GRB14: variants seen among roughly 807,000 people sequenced by gnomAD.
The protein encoded by GRB14 is growth factor receptor-bound protein 14.
Under a neutral mutation model 69.1 loss-of-function variants are expected in GRB14, and 38 were observed. That is an observed-to-expected ratio of 0.55 (90% CI 0.42 to 0.72). The LOEUF is 0.72. Among genes scored for constraint, GRB14 ranks in the 30% least tolerant of loss-of-function variants. The pLI, the probability that GRB14 is intolerant of heterozygous loss-of-function variation, is 0.00. For synonymous variants in GRB14, 247 were observed against 241.3 expected (o/e 1.02, Z -0.22); for missense variants, 666 against 666.1 (o/e 1.00, Z 0.00).
At chr2:164,546,467 A>AT (rs1419052274) in intron 3 of GRB14, among the ~76,000 whole-genome samples, 3 of 152,094 alleles carry the variant, frequency 2.0e-5, no homozygotes. Context: ...TAGCACTGAG[A>AT]TTTTCCCCAG....
At chr2:164,558,063 G>A (rs548261275) in intron 2 of GRB14, among the ~76,000 whole-genome samples, 5 of 152,198 alleles carry the variant, frequency 3.3e-5, no homozygotes, top group South Asian at 2.1e-4. Context: ...GCAGCATGCC[G>A]CATCTAGGGT....
chr2:164,540,849 C>T (rs1003305458), intron 3 of GRB14, among the ~76,000 whole-genome samples: 14 of 152,206 alleles, frequency 9.2e-5, no homozygotes, highest in African/African-American at 3.4e-4. Flanking sequence ...ACAAAATTGT[C>T]AATAAATATT....
At chr2:164,555,081 T>A (rs533431241) in intron 2 of GRB14, among the ~76,000 whole-genome samples, 2 of 152,348 alleles carry the variant, frequency 1.3e-5, no homozygotes, top group South Asian at 4.1e-4. Context: ...TTTCTCTGCA[T>A]CACCTGAAAT....
chr2:164,547,513 GAAAA>G, intron 3 of GRB14, 143 bp downstream of exon 3: 1 of 560,108 alleles, frequency 1.8e-6, no homozygotes. Context: ...AGGAAAAAAA[GAAAA>G]AAGAATGAAA....
chr2:164,598,639 G>T (rs1689842904), intron 2 of GRB14, among the ~76,000 whole-genome samples: 2 of 152,192 alleles, frequency 1.3e-5, no homozygotes, highest in South Asian at 4.1e-4. Context: ...ATATTTATTG[G>T]TCTTCGCTTA....
intron 2 of GRB14, among the ~76,000 whole-genome samples, chr2:164,578,975 G>A (rs1464509176): frequency 6.6e-6 from 1 of 151,960 alleles, no homozygotes; most frequent in Admixed American, 6.6e-5. Flanking sequence ...TACTGGGTAG[G>A]AATTAAGAGA....
intron 2 of GRB14, among the ~76,000 whole-genome samples, chr2:164,609,804 G>A (rs998145896): frequency 1.3e-5 from 2 of 152,148 alleles, no homozygotes; most frequent in Admixed American, 6.5e-5. Flanking sequence ...TGGAAGAACT[G>A]AAGTCAAAAA....
At chr2:164,558,246 G>T (rs1412815684) in intron 2 of GRB14, among the ~76,000 whole-genome samples, 1 of 152,068 alleles carries the variant, frequency 6.6e-6, no homozygotes, top group Middle Eastern at 3.2e-3. Flanking sequence ...TTCCTATTAG[G>T]TAGAAAGAAG....
intron 2 of GRB14, among the ~76,000 whole-genome samples, chr2:164,605,015 T>C (rs1051514369): frequency 1.3e-5 from 2 of 152,216 alleles, no homozygotes; most frequent in African/African-American, 2.4e-5. Flanking sequence ...GATTTGGGAA[T>C]GGCTAATTTT....
chr2:164,550,083 T>C (rs908275363), intron 2 of GRB14, among the ~76,000 whole-genome samples: 2 of 152,122 alleles, frequency 1.3e-5, no homozygotes, highest in South Asian at 4.1e-4. Context: ...TCAGTAAAAA[T>C]TGGCCAGATG....
intron 6 of GRB14, among the ~76,000 whole-genome samples, chr2:164,511,119 C>T (rs550946923): frequency 2.6e-5 from 4 of 152,146 alleles, no homozygotes; most frequent in Non-Finnish European, 5.9e-5. Flanking sequence ...CGAGTTCTGG[C>T]GAGCCTCCCA....
chr2:164,584,220 G>T (rs1280869189), intron 2 of GRB14, among the ~76,000 whole-genome samples: 4 of 129,486 alleles, frequency 3.1e-5, no homozygotes, highest in East Asian at 4.4e-4. Flanking sequence ...ACCTAGGCTG[G>T]TCTTGAACTC....
chr2:164,596,882 G>C (rs889274286), intron 2 of GRB14, among the ~76,000 whole-genome samples: 40 of 151,928 alleles, frequency 2.6e-4, no homozygotes, highest in African/African-American at 9.7e-4. Flanking sequence ...AAGAACTATA[G>C]TTCATTTGTC....
chr2:164,575,595 A>C (rs986455597), intron 2 of GRB14, among the ~76,000 whole-genome samples: 1 of 152,150 alleles, frequency 6.6e-6, no homozygotes, highest in African/African-American at 2.4e-5. Flanking sequence ...TTTGCTAACT[A>C]AGATCAAAAA....
intron 2 of GRB14, among the ~76,000 whole-genome samples, chr2:164,616,259 C>T (rs1690290702): frequency 6.6e-6 from 1 of 151,648 alleles, no homozygotes; most frequent in African/African-American, 2.4e-5. Flanking sequence ...CCTGTCTCTA[C>T]TAAAAATACA....
At position 164,547,864 on chromosome 2, in the gene GRB14, T is replaced by C. The variant is rs768940973; in HGVS notation, c.325-48A>G. 3.6e-6 allele frequency: 5 copies of C among 1,377,312 alleles called. No individual in the cohort carries two copies. The South Asian group carries it at 5.7e-5, about 16-fold the overall frequency. The allele number at this position is 1,377,312 out of a possible 1,614,324, so 85.3% of individuals were successfully genotyped here. A position where few individuals can be genotyped will look rare whatever the true frequency, so the allele number is the denominator to read the frequency against. ...AAGACCTAAAATATTCCTGTTTGTG[T>C]TTTTAATAAATTTTATTGTATATAT... is the stretch of plus-strand genomic sequence containing the variant. On this transcript the variant is annotated intron_variant, in intron 2 of 13. Coordinates refer to ENST00000263915, the MANE Select transcript of GRB14 (RefSeq NM_004490.3).
intron 6 of GRB14, among the ~76,000 whole-genome samples, chr2:164,518,803 C>T (rs1311124002): frequency 6.6e-6 from 1 of 151,674 alleles, no homozygotes; most frequent in Non-Finnish European, 1.5e-5. Flanking sequence ...AGATAACCCT[C>T]CTAGATTAAG....
At chr2:164,599,016 G>T (rs1038807682) in intron 2 of GRB14, among the ~76,000 whole-genome samples, 1 of 152,164 alleles carries the variant, frequency 6.6e-6, no homozygotes, top group Admixed American at 6.6e-5. Context: ...GTTCTACATG[G>T]TGTCAGTGAA....
At chr2:164,507,816 T>C (rs1687232040) in intron 8 of GRB14, among the ~76,000 whole-genome samples, 1 of 152,186 alleles carries the variant, frequency 6.6e-6, no homozygotes, top group Non-Finnish European at 1.5e-5. Context: ...TGAAAATAAA[T>C]ATGCTTTCTA....
Sources: gnomAD v4.1 joint callset for allele counts (sites outside exome capture counted in the v4.1 genomes callset) on GRCh38, gnomAD v4.1.1 for gene constraint, MANE v1.5 for transcripts, NCBI Gene and HGNC (gene_info 2026-07-23, HGNC 2026-07-21) for gene names.